MRPS5: variants seen among roughly 807,000 people sequenced by gnomAD.
MRPS5 encodes small ribosomal subunit protein uS5m.
Under a neutral mutation model 51.9 loss-of-function variants are expected in MRPS5, and 27 were observed. The observed-to-expected ratio is 0.52, with a 90% CI of 0.38 to 0.72. The LOEUF is 0.72. Ranked by LOEUF, MRPS5 falls within the 30% of genes least tolerant of loss-of-function variation. The pLI is 0.00. For synonymous variants in MRPS5, 196 were observed against 193.2 expected, an observed-to-expected ratio of 1.01 and a Z score of -0.12; for missense variants, 570 against 545.7, an observed-to-expected ratio of 1.04 and a Z score of -0.44.
intron 1 of MRPS5, among the ~76,000 whole-genome samples, 174 bp downstream of exon 1, chr2:95,121,560 G>A (rs1353700483): frequency 6.6e-6 from 1 of 152,236 alleles, no homozygotes; most frequent in Non-Finnish European, 1.5e-5. Context: ...GACCCAGAGA[G>A]GGAGAGGACG....
intron 1 of MRPS5, among the ~76,000 whole-genome samples, chr2:95,120,977 G>A (rs1427694200): frequency 6.6e-6 from 1 of 152,134 alleles, no homozygotes; most frequent in Non-Finnish European, 1.5e-5. Flanking sequence ...AATTAGCCAG[G>A]CATGGTGGCA....
At chr2:95,118,944 CT>C (rs1390452576) in intron 1 of MRPS5, among the ~76,000 whole-genome samples, 1 of 152,038 alleles carries the variant, frequency 6.6e-6, no homozygotes, top group Non-Finnish European at 1.5e-5. Context: ...TTTGCAATGG[CT>C]TCTTAGATGA....
At chr2:95,096,112 AC>A (rs1675617975) in intron 10 of MRPS5, among the ~76,000 whole-genome samples, 1 of 152,214 alleles carries the variant, frequency 6.6e-6, no homozygotes, top group Admixed American at 6.5e-5. Context: ...CTCGACACAT[AC>A]ACCCTCCCCA....
chr2:95,118,584 C>T (rs139004279), intron 1 of MRPS5, among the ~76,000 whole-genome samples: 1 of 152,240 alleles, frequency 6.6e-6, no homozygotes, highest in East Asian at 1.9e-4. Flanking sequence ...CTTAGTGAAG[C>T]CTCCCTGATC....
intron 10 of MRPS5, among the ~76,000 whole-genome samples, chr2:95,096,526 G>A (rs1379568619): frequency 6.6e-6 from 1 of 152,116 alleles, no homozygotes; most frequent in Non-Finnish European, 1.5e-5. Context: ...ATGCAAGGCT[G>A]GTTCAACATA....
chr2:95,115,775 T>C (rs1428511674), intron 2 of MRPS5, among the ~76,000 whole-genome samples: 1 of 152,236 alleles, frequency 6.6e-6, no homozygotes, highest in African/African-American at 2.4e-5. Context: ...TTAGCTCACT[T>C]AATGAATTAG....
intron 3 of MRPS5, among the ~76,000 whole-genome samples, chr2:95,111,607 G>C (rs1676118609): frequency 6.6e-6 from 1 of 152,066 alleles, no homozygotes; most frequent in African/African-American, 2.4e-5. Context: ...ATGCCATTAT[G>C]CTATTAAAAA....
At chr2:95,106,359 T>TACCAGCCC in intron 6 of MRPS5, 64 bp downstream of exon 6, 8 of 835,194 alleles carry the variant, frequency 9.6e-6, no homozygotes, top group Non-Finnish European at 8.4e-6. Flanking sequence ...TCTTGCCCTG[T>TACCAGCCC]CCCTGCCCCA....
At chr2:95,104,545 G>T in intron 7 of MRPS5, 95 bp downstream of exon 7, 1 of 1,343,548 alleles carries the variant, frequency 7.4e-7, no homozygotes, top group Middle Eastern at 1.8e-4. Context: ...AAAAAGTCCG[G>T]CCAGCAGCAT....
At chr2:95,120,329 G>C (rs1409731047) in intron 1 of MRPS5, among the ~76,000 whole-genome samples, 1 of 152,160 alleles carries the variant, frequency 6.6e-6, no homozygotes, top group Non-Finnish European at 1.5e-5. Flanking sequence ...CTAAATGAAA[G>C]AAGCCAATCA....
chr2:95,117,958 A>AT lies in MRPS5; in HGVS notation c.59-14_59-13insA, dbSNP rs754612442. On this transcript the variant is annotated splice_polypyrimidine_tract_variant and intron_variant, in intron 1 of 11. Transcript: ENST00000272418. Reference sequence around the variant, plus strand: ...CCCAATAAATGACCTGCAAATTGGAAAAAAAAAAATTTAAGATACATTTCT... The same window carrying AT: ...CCCAATAAATGACCTGCAAATTGGAATAAAAAAAAATTTAAGATACATTTCT... The AT allele has an allele frequency of 1.9e-6, 3 of 1,577,806 alleles. No homozygotes were observed. Among genetic ancestry groups the AT allele is most frequent in the East Asian group, 4.5e-5 (2 of 44,452 alleles).
chr2:95,120,953 A>T (rs1678926558), intron 1 of MRPS5, among the ~76,000 whole-genome samples: 1 of 152,122 alleles, frequency 6.6e-6, no homozygotes, highest in Non-Finnish European at 1.5e-5. Flanking sequence ...CCCCGTCTCT[A>T]CTAAAAATAC....
chr2:95,115,284 A>C, intron 2 of MRPS5, 81 bp from the exon 3 acceptor site: 1 of 1,263,748 alleles, frequency 7.9e-7, no homozygotes, highest in Non-Finnish European at 1.0e-6. Context: ...AATCATTACT[A>C]ACAAAAATAA....
intron 10 of MRPS5, among the ~76,000 whole-genome samples, chr2:95,095,322 CAGA>C (rs1478939014): frequency 6.6e-6 from 1 of 152,226 alleles, no homozygotes; most frequent in Non-Finnish European, 1.5e-5. Flanking sequence ...ATCAATGACA[CAGA>C]AGGTTAACAA....
rs748237624 is a variant in MRPS5, at chr2:95,106,446, C to A, written c.649G>T (p.Asp217Tyr). 7.0e-7 allele frequency: 1 copy of A among 1,419,946 alleles called. No homozygotes were observed. The allele number at this position is 1,419,946 out of a possible 1,614,324, so 88.0% of individuals were successfully genotyped here. The change falls in exon 6 of 12, where the codon GAT becomes TAT. Residue 217 changes from aspartate to tyrosine, a missense_variant. By Grantham distance (160) the Asp-to-Tyr change is radical. Coordinates refer to ENST00000272418, the MANE Select transcript of MRPS5 (RefSeq NM_031902.5). ...ACCTCAAGTATCCTGGTATCAAAAT[C>A]CTCATATGTTTCTGTAGGGAGAAAA... ...DPGPCGETYEDFDTRILEVRN... is the reference protein window; with the variant it reads ...DPGPCGETYEYFDTRILEVRN...
At chr2:95,096,914 T>C (rs1675643888) in intron 10 of MRPS5, among the ~76,000 whole-genome samples, 1 of 152,216 alleles carries the variant, frequency 6.6e-6, no homozygotes, top group Admixed American at 6.5e-5. Flanking sequence ...TGTTTGCAGA[T>C]AACATGATTG....
chr2:95,101,528 C>T (rs1675802052), intron 8 of MRPS5, 149 bp downstream of exon 8: 2 of 569,350 alleles, frequency 3.5e-6, no homozygotes, highest in Admixed American at 7.5e-5. Flanking sequence ...ACTTCTGAAA[C>T]TGATTTTTAT....
chr2:95,118,346 T>C (rs777517273), intron 1 of MRPS5, among the ~76,000 whole-genome samples: 29 of 152,382 alleles, frequency 1.9e-4, no homozygotes, highest in Admixed American at 9.8e-4. Flanking sequence ...ACAGCTCTGA[T>C]AGATTATTCT....
At chr2:95,110,823 T>C (rs1160270626) in intron 3 of MRPS5, among the ~76,000 whole-genome samples, 2 of 152,210 alleles carry the variant, frequency 1.3e-5, no homozygotes, top group East Asian at 1.9e-4. Flanking sequence ...ATTACCAATT[T>C]CTTTAATAAA....
Sources: allele counts gnomAD v4.1 joint callset (sites outside exome capture counted in the v4.1 genomes callset), GRCh38; gene constraint gnomAD v4.1.1; transcripts MANE v1.5; gene names NCBI Gene and HGNC (gene_info 2026-07-23, HGNC 2026-07-21).